The following CAPN13 variants were observed in gnomAD, a reference collection of about 807,000 sequenced individuals.
CAPN13 encodes calpain 13.
A neutral mutation model predicts 98.4 loss-of-function variants in CAPN13; 90 were observed. That is an observed-to-expected ratio of 0.92 (90% CI 0.77 to 1.09). CAPN13 has a LOEUF of 1.09. Ranked by LOEUF, CAPN13 falls within the 50% of genes least tolerant of loss-of-function variation. The pLI is 0.00. For missense variants in CAPN13, 887 were observed against 841.3 expected (o/e 1.05, Z -0.67); for synonymous variants, 330 against 305.5 (o/e 1.08, Z -0.84).
intron 20 of CAPN13, among the ~76,000 whole-genome samples, chr2:30,731,633 C>T (rs552068743): frequency 1.1e-4 from 16 of 152,326 alleles, no homozygotes; most frequent in East Asian, 3.9e-4. Context: ...TCTGCCCACA[C>T]GCCTCTCCCT....
At position 30,766,028 on chromosome 2, in the gene CAPN13, A is replaced by C. The variant is rs143614061; in HGVS notation, c.525-1722T>G. On this transcript the variant is annotated intron_variant, in intron 5 of 22. Transcript: ENST00000295055. ...GAGCTCTGGACTCCCTTGCTGTCCC[A>C]TGTGGGTTCTGGCTCCTGTTCCAGT... Among the ~76,000 whole-genome samples, 76 of 152,274 alleles carry C rather than the reference A, an allele frequency of 5.0e-4. No homozygotes were observed. The East Asian group carries it at 0.011, about 23-fold the overall frequency.
intron 15 of CAPN13, among the ~76,000 whole-genome samples, chr2:30,739,706 G>A (rs1325150777): frequency 6.6e-6 from 1 of 152,158 alleles, no homozygotes; most frequent in Non-Finnish European, 1.5e-5. Context: ...GGCATGGACC[G>A]TGTCTTTTTC....
intron 11 of CAPN13, chr2:30,746,617 G>A (rs1215168466): frequency 1.5e-5 from 3 of 199,196 alleles, no homozygotes; most frequent in Non-Finnish European, 2.1e-5. Flanking sequence ...TTGGTGATCT[G>A]CTGGGTGTCA....
intron 7 of CAPN13, among the ~76,000 whole-genome samples, chr2:30,761,332 T>C (rs1209664368): frequency 6.6e-6 from 1 of 152,094 alleles, no homozygotes; most frequent in Non-Finnish European, 1.5e-5. Flanking sequence ...CAACTCCAAG[T>C]GTACACTATG....
chr2:30,800,115 GAAAAGAAA>G (rs1257637607), intron 1 of CAPN13, among the ~76,000 whole-genome samples: 9 of 54,800 alleles, frequency 1.6e-4, no homozygotes, highest in Non-Finnish European at 3.0e-4. Context: ...AGAAAAGAAA[GAAAAGAAA>G]GAAAGAAAGA....
At chr2:30,727,047 A>T (rs1236888798) in intron 22 of CAPN13, among the ~76,000 whole-genome samples, 2 of 152,224 alleles carry the variant, frequency 1.3e-5, no homozygotes, top group East Asian at 3.8e-4. Flanking sequence ...TTCTTATATT[A>T]AATTGATTTT....
intron 1 of CAPN13, among the ~76,000 whole-genome samples, chr2:30,788,088 T>C (rs942141905): frequency 1.3e-5 from 2 of 151,534 alleles, no homozygotes; most frequent in East Asian, 1.9e-4. Flanking sequence ...ATATGGGGGA[T>C]AGGGAGGAAA....
chr2:30,760,207 C>G (rs1672771798), intron 7 of CAPN13, among the ~76,000 whole-genome samples: 1 of 152,232 alleles, frequency 6.6e-6, no homozygotes, highest in Non-Finnish European at 1.5e-5. Context: ...CTCAGCCTCC[C>G]GAGTAGCTGG....
intron 11 of CAPN13, among the ~76,000 whole-genome samples, chr2:30,750,009 G>C (rs1485907877): frequency 6.6e-6 from 1 of 152,170 alleles, no homozygotes; most frequent in Non-Finnish European, 1.5e-5. Context: ...ACAGGCATGT[G>C]ACTGTGCATT....
intron 4 of CAPN13, among the ~76,000 whole-genome samples, chr2:30,775,372 C>A (rs1255321844): frequency 6.6e-6 from 1 of 152,040 alleles, no homozygotes; most frequent in African/African-American, 2.4e-5. Context: ...GAAAGGTATC[C>A]CGTGTTTCTG....
intron 8 of CAPN13, among the ~76,000 whole-genome samples, chr2:30,756,524 T>C (rs1672460593): frequency 6.6e-6 from 1 of 152,180 alleles, no homozygotes; most frequent in South Asian, 2.1e-4. Flanking sequence ...AAATTATCAA[T>C]TGTGAATATA....
chr2:30,725,083 T>C (rs552947248), intron 22 of CAPN13, among the ~76,000 whole-genome samples: 1 of 152,258 alleles, frequency 6.6e-6, no homozygotes, highest in East Asian at 1.9e-4. Context: ...TAGATCAACA[T>C]GGATGTAGAT....
chr2:30,786,474 A>G (rs952570374), intron 2 of CAPN13, among the ~76,000 whole-genome samples: 2 of 152,140 alleles, frequency 1.3e-5, no homozygotes, highest in African/African-American at 4.8e-5. Context: ...AGTTCTAGAA[A>G]AACCAGAAGG....
At chr2:30,739,203 G>A (rs986732625) in intron 15 of CAPN13, among the ~76,000 whole-genome samples, 6 of 152,144 alleles carry the variant, frequency 3.9e-5, no homozygotes, top group African/African-American at 1.4e-4. Context: ...ATATGCGGCT[G>A]TTCCTCATGT....
chr2:30,728,422 G>T (rs912786549), intron 22 of CAPN13, among the ~76,000 whole-genome samples: 8 of 147,644 alleles, frequency 5.4e-5, no homozygotes, highest in Non-Finnish European at 1.2e-4. Context: ...TGAATAATAT[G>T]GGAACCCATA....
In CAPN13 at chr2:30,738,460, G is replaced by C; in HGVS notation, c.1537-3C>G. 6.2e-7 allele frequency: 1 copy of C among 1,601,754 alleles called. No individual in the cohort carries two copies. The highest frequency in any genetic ancestry group is 8.5e-7 in the Non-Finnish European group (1 of 1,173,790). On this transcript the variant is annotated splice_polypyrimidine_tract_variant and splice_region_variant and intron_variant, in intron 15 of 22. Transcript: ENST00000295055. ...TGGGTGGCATCAATGTCCAGCCTCT[G>C]ATCCAAACAAGGAAGGAATGCAGGA... is the stretch of plus-strand genomic sequence containing the variant.
chr2:30,768,660 A>G (rs1238083584), intron 5 of CAPN13, among the ~76,000 whole-genome samples: 2 of 133,474 alleles, frequency 1.5e-5, no homozygotes, highest in East Asian at 3.9e-4. Context: ...GTTTCATTTC[A>G]TTTCATGAAC....
At chr2:30,737,966 G>GACACACACAC (rs71831494) in intron 17 of CAPN13, 10 of 373,394 alleles carry the variant, frequency 2.7e-5, no homozygotes, top group African/African-American at 1.7e-4. Flanking sequence ...GAATTATAAG[G>GACACACACAC]ACACACACAC....
At chr2:30,745,969 C>T (rs922262694) in intron 11 of CAPN13, among the ~76,000 whole-genome samples, 1 of 135,644 alleles carries the variant, frequency 7.4e-6, no homozygotes, top group Non-Finnish European at 1.5e-5. Flanking sequence ...GGTGCAATCT[C>T]GGCTTACTGC....
Sources: allele counts gnomAD v4.1 joint callset (sites outside exome capture counted in the v4.1 genomes callset), GRCh38; gene constraint gnomAD v4.1.1; transcripts MANE v1.5; gene names NCBI Gene and HGNC (gene_info 2026-07-23, HGNC 2026-07-21).